CNTNAP2: variants seen among roughly 807,000 people sequenced by gnomAD.
CNTNAP2 encodes the protein contactin associated protein 2.
In CNTNAP2, 98 loss-of-function variants were observed where a neutral mutation model predicts 155.2. The ratio of observed to expected loss-of-function variants is 0.63; its 90% confidence interval spans 0.54 to 0.75. CNTNAP2 has a LOEUF of 0.75. Among genes scored for constraint, CNTNAP2 ranks in the 30% least tolerant of loss-of-function variants. CNTNAP2 has a pLI of 0.00. For synonymous variants in CNTNAP2, 651 were observed against 631.2 expected, an observed-to-expected ratio of 1.03 and a Z score of -0.47; for missense variants, 1,727 against 1,688.1, an observed-to-expected ratio of 1.02 and a Z score of -0.40.
chr7:146,799,179 G>T (rs1022112165), intron 2 of CNTNAP2, among the ~76,000 whole-genome samples: 6 of 152,074 alleles, frequency 3.9e-5, no homozygotes, highest in Admixed American at 3.3e-4. Context: ...TCTTTGAGTT[G>T]CTTTCTTTTT....
chr7:146,495,182 A>G (rs910921683), intron 1 of CNTNAP2, among the ~76,000 whole-genome samples: 2 of 152,222 alleles, frequency 1.3e-5, no homozygotes, highest in African/African-American at 4.8e-5. Flanking sequence ...CCTAGTTACA[A>G]TGGCATTTTC....
chr7:147,281,695 T>C (rs1805039030), intron 8 of CNTNAP2, among the ~76,000 whole-genome samples: 1 of 151,888 alleles, frequency 6.6e-6, no homozygotes, highest in Non-Finnish European at 1.5e-5. Flanking sequence ...ATTCATAAGA[T>C]GAATACATTC....
chr7:146,527,373 G>C (rs1008693194), intron 1 of CNTNAP2, among the ~76,000 whole-genome samples: 3 of 152,080 alleles, frequency 2.0e-5, no homozygotes, highest in Non-Finnish European at 4.4e-5. Flanking sequence ...TTCAATACCT[G>C]TTTTGTATTA....
At chr7:147,350,301 C>G (rs187386990) in intron 9 of CNTNAP2, among the ~76,000 whole-genome samples, 6 of 152,010 alleles carry the variant, frequency 3.9e-5, no homozygotes, top group Non-Finnish European at 7.4e-5. Flanking sequence ...AAATCACCTG[C>G]AATAAAACAT....
intron 3 of CNTNAP2, among the ~76,000 whole-genome samples, chr7:146,859,240 A>G (rs1795050187): frequency 6.6e-6 from 1 of 152,240 alleles, no homozygotes; most frequent in South Asian, 2.1e-4. Context: ...AAAGAGCATC[A>G]CTAAACTGAT....
In CNTNAP2 at chr7:146,778,206, A is replaced by T. The variant is rs1293007541; in HGVS notation, c.208+3825A>T. On this transcript the variant is annotated intron_variant, in intron 2 of 23. Coordinates refer to ENST00000361727, the MANE Select transcript of CNTNAP2 (RefSeq NM_014141.6). ...TGGCTTCAAGTTTTATTATTTACTTAAATGATATTCCTAAAGTACATTTTG... is the reference window on the plus strand; with the variant it reads ...TGGCTTCAAGTTTTATTATTTACTTTAATGATATTCCTAAAGTACATTTTG... Among the ~76,000 whole-genome samples, 4 of 152,226 alleles carry T rather than the reference A, an allele frequency of 2.6e-5. No homozygotes were observed. In the East Asian group the frequency reaches 7.7e-4, roughly 29 times the overall value.
At chr7:147,851,473 G>T (rs531400464) in intron 13 of CNTNAP2, among the ~76,000 whole-genome samples, 1 of 151,002 alleles carries the variant, frequency 6.6e-6, no homozygotes, top group African/African-American at 2.4e-5. Flanking sequence ...ACATGCACAC[G>T]TATGTTTATT....
intron 2 of CNTNAP2, among the ~76,000 whole-genome samples, chr7:146,784,595 G>A (rs1020174083): frequency 6.6e-6 from 1 of 152,066 alleles, no homozygotes; most frequent in Non-Finnish European, 1.5e-5. Flanking sequence ...TAGATTTTTC[G>A]TTACCCATAG....
intron 15 of CNTNAP2, among the ~76,000 whole-genome samples, chr7:148,110,360 G>C (rs1043542653): frequency 1.3e-5 from 2 of 151,968 alleles, no homozygotes; most frequent in Non-Finnish European, 2.9e-5. Flanking sequence ...GCCTGCACAC[G>C]GAAACAGTGC....
rs530916649 is a variant in CNTNAP2, at chr7:147,244,186, A to G, written c.1349-55955A>G. On this transcript the variant is annotated intron_variant, in intron 8 of 23. Coordinates refer to ENST00000361727, the MANE Select transcript of CNTNAP2 (RefSeq NM_014141.6). ...CCTGGGTCTGGCAAGACCTATTTCA[A>G]ATATACAAAGTTATCTGATACACAC... Among the ~76,000 whole-genome samples the G allele has an allele frequency of 2.1e-4, 32 of 152,206 alleles. No individual in the cohort carries two copies. The East Asian group carries it at 6.0e-3, about 29-fold the overall frequency.
chr7:147,919,010 A>G (rs1262752039), intron 14 of CNTNAP2, among the ~76,000 whole-genome samples: 33 of 152,166 alleles, frequency 2.2e-4, no homozygotes, highest in Non-Finnish European at 5.9e-5. Context: ...TGACTTCTTA[A>G]AAGTGAGAAA....
At chr7:147,002,690 C>A (rs1287581515) in intron 3 of CNTNAP2, among the ~76,000 whole-genome samples, 1 of 151,896 alleles carries the variant, frequency 6.6e-6, no homozygotes, top group African/African-American at 2.4e-5. Context: ...TGAGCAGATT[C>A]ATTGTTTGGT....
At chr7:147,054,010 A>T (rs891149969) in intron 4 of CNTNAP2, among the ~76,000 whole-genome samples, 2 of 152,160 alleles carry the variant, frequency 1.3e-5, no homozygotes, top group African/African-American at 4.8e-5. Context: ...GCATAAGCGA[A>T]TTAATCGCAG....
At chr7:148,060,122 A>T (rs1027280647) in intron 15 of CNTNAP2, among the ~76,000 whole-genome samples, 5 of 152,180 alleles carry the variant, frequency 3.3e-5, no homozygotes, top group Non-Finnish European at 5.9e-5. Context: ...CTAAGCCATT[A>T]ATTGATCCAC....
At chr7:146,439,207 A>T (rs755635523) in intron 1 of CNTNAP2, among the ~76,000 whole-genome samples, 1 of 151,430 alleles carries the variant, frequency 6.6e-6, no homozygotes, top group Non-Finnish European at 1.5e-5. Flanking sequence ...AGTGTTTAAG[A>T]TATTCATTTT....
chr7:146,552,139 A>G (rs538896949), intron 1 of CNTNAP2, among the ~76,000 whole-genome samples: 1 of 152,278 alleles, frequency 6.6e-6, no homozygotes, highest in South Asian at 2.1e-4. Context: ...CAAAGTTGCA[A>G]CTATTATTAT....
chr7:146,838,036 G>A (rs1803651130), intron 2 of CNTNAP2, among the ~76,000 whole-genome samples: 1 of 152,192 alleles, frequency 6.6e-6, no homozygotes, highest in Non-Finnish European at 1.5e-5. Flanking sequence ...CTCCCTTGTA[G>A]ATTTCTAAAG....
intron 3 of CNTNAP2, among the ~76,000 whole-genome samples, chr7:146,924,205 A>G (rs2129220827): frequency 6.6e-6 from 1 of 152,166 alleles, no homozygotes; most frequent in East Asian, 1.9e-4. Flanking sequence ...CTCTAGATCC[A>G]TTTCTGACCT....
chr7:146,458,615 C>G (rs2129123993), intron 1 of CNTNAP2, among the ~76,000 whole-genome samples: 1 of 152,252 alleles, frequency 6.6e-6, no homozygotes, highest in African/African-American at 2.4e-5. Context: ...AAACCTGATT[C>G]ATTTTGTGTG....
Sources: allele counts gnomAD v4.1 joint callset (sites outside exome capture counted in the v4.1 genomes callset), GRCh38; gene constraint gnomAD v4.1.1; transcripts MANE v1.5; gene names NCBI Gene and HGNC (gene_info 2026-07-23, HGNC 2026-07-21).